ANKS1B: variants seen among roughly 807,000 people sequenced by gnomAD.
ANKS1B encodes the protein ankyrin repeat and sterile alpha motif domain containing 1B.
In ANKS1B, 36 loss-of-function variants were observed where a neutral mutation model predicts 148.3. The observed-to-expected ratio is 0.24, with a 90% confidence interval of 0.19 to 0.32. ANKS1B has a LOEUF of 0.32. Ranked by LOEUF, ANKS1B falls within the 10% of genes least tolerant of loss-of-function variation. The probability of loss-of-function intolerance (pLI) is 1.00; values close to 1 mark genes in which losing one functional copy is unlikely to be tolerated. For missense variants in ANKS1B, 1,157 were observed against 1,542.6 expected (o/e 0.75, Z 4.19); for synonymous variants, 542 against 560.8 (o/e 0.97, Z 0.47).
chr12:99,407,994 AC>A (rs1248578308), intron 11 of ANKS1B, among the ~76,000 whole-genome samples: 2 of 146,238 alleles, frequency 1.4e-5, no homozygotes, highest in African/African-American at 2.6e-5. Flanking sequence ...AATGGAAAAA[AC>A]AATCCTAAAA....
At chr12:98,949,817 A>T (rs1208037947) in intron 17 of ANKS1B, 1 of 152,264 alleles carries the variant, frequency 6.6e-6, no homozygotes, top group Admixed American at 6.5e-5. Context: ...AAGAGGATCT[A>T]CTGATTTTCT....
At chr12:99,761,160 T>C (rs1427813964) in intron 8 of ANKS1B, among the ~76,000 whole-genome samples, 1 of 150,156 alleles carries the variant, frequency 6.7e-6, no homozygotes, top group Non-Finnish European at 1.5e-5. Context: ...GCTGAAACTA[T>C]TCCAAAAAAT....
intron 17 of ANKS1B, among the ~76,000 whole-genome samples, chr12:98,873,843 T>A (rs951629189): frequency 3.3e-5 from 5 of 152,142 alleles, no homozygotes; most frequent in African/African-American, 1.2e-4. Flanking sequence ...AATGAAATGA[T>A]GTGTGTGCTC....
intron 17 of ANKS1B, among the ~76,000 whole-genome samples, chr12:98,980,974 T>C (rs1475194704): frequency 6.6e-6 from 1 of 152,160 alleles, no homozygotes; most frequent in Non-Finnish European, 1.5e-5. Flanking sequence ...AATCTGATGT[T>C]TGAAAACAGC....
At chr12:99,850,281 GTCTCTCTCTCTCTCTC>G (rs71436968) in intron 1 of ANKS1B, among the ~76,000 whole-genome samples, 39 of 114,260 alleles carry the variant, frequency 3.4e-4, no homozygotes, top group Non-Finnish European at 5.7e-4. Flanking sequence ...AAGCAAGAAA[GTCTCTCTCTCTCTCTC>G]TCTCTCTCTC....
chr12:99,345,439 AT>A (rs1178042349), intron 12 of ANKS1B, among the ~76,000 whole-genome samples: 2 of 152,026 alleles, frequency 1.3e-5, no homozygotes, highest in African/African-American at 4.8e-5. Context: ...TGACGTTAGT[AT>A]AGTTTATGAG....
At chr12:99,678,932 G>A (rs1480278595) in intron 8 of ANKS1B, among the ~76,000 whole-genome samples, 3 of 151,910 alleles carry the variant, frequency 2.0e-5, no homozygotes, top group Non-Finnish European at 4.4e-5. Flanking sequence ...AAAAAAATGG[G>A]GAAAAATGTA....
chr12:99,506,831 C>T (rs927618973), intron 9 of ANKS1B, among the ~76,000 whole-genome samples: 8 of 151,930 alleles, frequency 5.3e-5, no homozygotes, highest in African/African-American at 1.9e-4. Context: ...CATTATAAAG[C>T]AACAGAAGGA....
chr12:99,570,735 C>T (rs2097447090), intron 9 of ANKS1B, among the ~76,000 whole-genome samples: 1 of 151,684 alleles, frequency 6.6e-6, no homozygotes, highest in Non-Finnish European at 1.5e-5. Context: ...TACTATTCTC[C>T]CTATCTCTGT....
At chr12:99,768,825 GAAAAAAAAAAAAA>G (rs71088151) in intron 8 of ANKS1B, among the ~76,000 whole-genome samples, 1 of 69,404 alleles carries the variant, frequency 1.4e-5, no homozygotes, top group East Asian at 4.4e-4. Flanking sequence ...CTCCGTCTCA[GAAAAAAAAAAAAA>G]AAAAAAAAAA....
chr12:98,808,943 C>T (rs561634235), intron 19 of ANKS1B, among the ~76,000 whole-genome samples: 6 of 152,082 alleles, frequency 3.9e-5, no homozygotes, highest in South Asian at 2.1e-4. Flanking sequence ...TTAAGAGGCC[C>T]GGCAAAGAAC....
chr12:98,787,983 C>T (rs1361803271), intron 22 of ANKS1B, among the ~76,000 whole-genome samples: 3 of 151,572 alleles, frequency 2.0e-5, no homozygotes, highest in Non-Finnish European at 4.4e-5. Context: ...TCTCAACACG[C>T]TGAGAGCTCA....
chr12:99,210,390 G>T (rs551239718), intron 14 of ANKS1B, among the ~76,000 whole-genome samples: 5 of 151,858 alleles, frequency 3.3e-5, no homozygotes, highest in East Asian at 1.9e-4. Flanking sequence ...ACCATTTTTT[G>T]CTCAGCAGGA....
rs547508976 is a variant in ANKS1B, at chr12:99,679,721, A to C, written c.1129-24511T>G. ...TTATCAAATTCTTAACTGTAACATC[A>C]GAAGTTAGAACACAATAGACCAACC... On this transcript the variant is annotated intron_variant, in intron 8 of 26. Transcript: ENST00000683438. Among the ~76,000 whole-genome samples, 5 of 152,332 alleles carry C rather than the reference A, an allele frequency of 3.3e-5. No individual in the cohort carries two copies. The East Asian group carries it at 9.6e-4, about 29-fold the overall frequency.
intron 9 of ANKS1B, among the ~76,000 whole-genome samples, chr12:99,633,558 T>C (rs2098196481): frequency 6.6e-6 from 1 of 152,154 alleles, no homozygotes; most frequent in South Asian, 2.1e-4. Flanking sequence ...GGCAATACCA[T>C]TCAGGACATA....
chr12:99,774,779 ACATTTATATACAC>A (rs2063501707), intron 7 of ANKS1B, among the ~76,000 whole-genome samples: 1 of 152,032 alleles, frequency 6.6e-6, no homozygotes, highest in East Asian at 1.9e-4. Context: ...ATGTGTGTAT[ACATTTATATACAC>A]ACTACACAAA....
At chr12:99,579,113 C>T (rs965135003) in intron 9 of ANKS1B, among the ~76,000 whole-genome samples, 1 of 152,056 alleles carries the variant, frequency 6.6e-6, no homozygotes, top group African/African-American at 2.4e-5. Context: ...ACACCCTATT[C>T]TATAAATTGT....
chr12:98,781,411 G>C (rs777639426), intron 23 of ANKS1B: 18 of 646,000 alleles, frequency 2.8e-5, no homozygotes, highest in Non-Finnish European at 5.7e-6. Flanking sequence ...GCTATACTTC[G>C]GGCTTATAAA....
At chr12:99,543,243 G>C (rs2097143429) in intron 9 of ANKS1B, among the ~76,000 whole-genome samples, 1 of 152,064 alleles carries the variant, frequency 6.6e-6, no homozygotes, top group South Asian at 2.1e-4. Context: ...TTAGTCATTA[G>C]AGAAATGCAA....
Sources: gnomAD v4.1 joint callset for allele counts (sites outside exome capture counted in the v4.1 genomes callset) on GRCh38, gnomAD v4.1.1 for gene constraint, MANE v1.5 for transcripts, NCBI Gene and HGNC (gene_info 2026-07-23, HGNC 2026-07-21) for gene names.